NDUFA9: variants seen among roughly 807,000 people sequenced by gnomAD.
NDUFA9 encodes NADH:ubiquinone oxidoreductase subunit A9.
In NDUFA9, 23 loss-of-function variants were observed where a neutral mutation model predicts 45.9. That is an observed-to-expected ratio of 0.50 (90% CI 0.36 to 0.71). The LOEUF is 0.71. Among genes scored for constraint, NDUFA9 ranks in the 30% least tolerant of loss-of-function variants. The pLI, the probability that NDUFA9 is intolerant of heterozygous loss-of-function variation, is 0.00. For synonymous variants in NDUFA9, 176 were observed against 170.5 expected, an observed-to-expected ratio of 1.03 and a Z score of -0.25; for missense variants, 466 against 488.2, an observed-to-expected ratio of 0.95 and a Z score of 0.43.
At chr12:4,677,436 A>G (rs1038380100) in intron 8 of NDUFA9, among the ~76,000 whole-genome samples, 3 of 152,256 alleles carry the variant, frequency 2.0e-5, no homozygotes, top group African/African-American at 7.2e-5. Context: ...ATCTACAAAG[A>G]ACTTAAACAG....
chr12:4,654,467 G>GTC lies in NDUFA9; in HGVS notation c.220+6_220+7insCT, dbSNP rs1214915902. On this transcript the variant is annotated splice_donor_region_variant and intron_variant, in intron 2 of 10. Coordinates refer to ENST00000266544, the MANE Select transcript of NDUFA9 (RefSeq NM_005002.5). ...GATATGTTGTCAACCACCTTGGTAAGTAAAGTTCCTTAAGTTCATATGCTC... is the reference window on the plus strand; with the variant it reads ...GATATGTTGTCAACCACCTTGGTAAGTCTAAAGTTCCTTAAGTTCATATGCTC... The GTC allele has an allele frequency of 6.2e-7, 1 of 1,613,840 alleles. No individual in the cohort carries two copies.
At chr12:4,653,116 C>CT (rs1461776766) in intron 1 of NDUFA9, among the ~76,000 whole-genome samples, 1 of 152,250 alleles carries the variant, frequency 6.6e-6, no homozygotes, top group African/African-American at 2.4e-5. Flanking sequence ...AGTTGAGCAG[C>CT]TAACTCTAAA....
In NDUFA9 at chr12:4,689,372, A is replaced by G. The variant is rs1489950274; in HGVS notation, c.*2264A>G. On this transcript the variant is annotated 3_prime_UTR_variant, in exon 11 of 11. Transcript: ENST00000266544. The stretch of plus-strand genomic sequence containing the variant: ...GAGGGGGATTTGGCAGGGTCATAGG[A>G]CAATAGTGGAGGGAAGGTCAGCAGA... 1 of 152,094 alleles carries G rather than the reference A, an allele frequency of 6.6e-6. No homozygotes were observed. Among genetic ancestry groups the G allele is most frequent in the East Asian group, 1.9e-4 (1 of 5,208 alleles). 9.4% of individuals were successfully genotyped at this position (152,094 alleles called of 1,614,324 possible).
chr12:4,654,778 C>T (rs1285463262), intron 2 of NDUFA9, 47 bp from the exon 3 acceptor site: 2 of 1,347,592 alleles, frequency 1.5e-6, no homozygotes, highest in South Asian at 2.6e-5. Flanking sequence ...TATAATATAT[C>T]CACATTATGT....
chr12:4,651,376 A>C lies in NDUFA9; in HGVS notation c.49+2201A>C, dbSNP rs543300867. Reference sequence around the variant, plus strand: ...TATTTATTGAGCACCTAGTATTTGCAAGGCACTGTGACAGATGCTTGCCCA... The same window carrying C: ...TATTTATTGAGCACCTAGTATTTGCCAGGCACTGTGACAGATGCTTGCCCA... On this transcript the variant is annotated intron_variant, in intron 1 of 10. Coordinates refer to ENST00000266544, the MANE Select transcript of NDUFA9 (RefSeq NM_005002.5). 1.1e-4 allele frequency among the ~76,000 whole-genome samples: 17 copies of C among 152,320 alleles called. No individual in the cohort carries two copies. In the South Asian group the frequency reaches 3.5e-3, roughly 32 times the overall value.
At chr12:4,658,466 C>T (rs1328777288) in intron 4 of NDUFA9, among the ~76,000 whole-genome samples, 1 of 152,098 alleles carries the variant, frequency 6.6e-6, no homozygotes, top group African/African-American at 2.4e-5. Context: ...ACAGAGTAAA[C>T]ATTTAGTTAA....
Position 4,662,025 on chromosome 12 carries a change from G to A in NDUFA9, c.553-508G>A, listed in dbSNP as rs537913032. ...TGAATTAGGTGCTGATATCTTCATCGAACAAGAAGACTTGCCTAGGAGGCT... is the reference window on the plus strand; with the variant it reads ...TGAATTAGGTGCTGATATCTTCATCAAACAAGAAGACTTGCCTAGGAGGCT... On this transcript the variant is annotated intron_variant, in intron 5 of 10. Transcript: ENST00000266544. Among the ~76,000 whole-genome samples the A allele has an allele frequency of 6.6e-5, 10 of 152,270 alleles. No homozygotes were observed. The East Asian group carries it at 1.2e-3, about 18-fold the overall frequency.
intron 9 of NDUFA9, among the ~76,000 whole-genome samples, chr12:4,684,807 G>A (rs1272242800): frequency 1.1e-5 from 1 of 94,800 alleles, no homozygotes; most frequent in African/African-American, 3.6e-5. Flanking sequence ...CTTGCTTTTG[G>A]ATTTTTTTTT....
intron 9 of NDUFA9, among the ~76,000 whole-genome samples, chr12:4,683,456 T>C (rs1945966123): frequency 6.6e-6 from 1 of 152,152 alleles, no homozygotes; most frequent in Admixed American, 6.5e-5. Flanking sequence ...CTCAGAAGGT[T>C]ACAACAAACA....
In NDUFA9 at chr12:4,691,812, A is replaced by T; in HGVS notation, c.*4704A>T. On this transcript the variant is annotated 3_prime_UTR_variant, in exon 11 of 11. Coordinates refer to ENST00000266544, the MANE Select transcript of NDUFA9 (RefSeq NM_005002.5). The stretch of plus-strand genomic sequence containing the variant: ...CCATGTGGATCCTGTGAGGGCCAGG[A>T]TGGGGGGGGGGGTCATGGGTCATCT... 1.7e-5 allele frequency: 1 copy of T among 58,616 alleles called. No individual in the cohort carries two copies. Among genetic ancestry groups the T allele is most frequent in the South Asian group, 4.9e-4 (1 of 2,030 alleles). 3.6% of individuals were successfully genotyped at this position (58,616 alleles called of 1,614,324 possible). A position where few individuals can be genotyped will look rare whatever the true frequency, so the allele number is the denominator to read the frequency against.
rs1946011485 is a variant in NDUFA9, at chr12:4,690,170, G to A, written c.*3062G>A. ...AAGCCACACCTTTCTAGGGATTCAGGTTGCACATTACCTGATTCTCACAGT... is the reference window on the plus strand; with the variant it reads ...AAGCCACACCTTTCTAGGGATTCAGATTGCACATTACCTGATTCTCACAGT... On this transcript the variant is annotated 3_prime_UTR_variant, in exon 11 of 11. Coordinates refer to ENST00000266544, the MANE Select transcript of NDUFA9 (RefSeq NM_005002.5). 6.6e-6 allele frequency: 1 copy of A among 152,166 alleles called. No individual in the cohort carries two copies. Among genetic ancestry groups the A allele is most frequent in the Non-Finnish European group, 1.5e-5 (1 of 68,058 alleles). The allele number at this position is 152,166 out of a possible 1,614,324, so 9.4% of individuals were successfully genotyped here.
intron 6 of NDUFA9, among the ~76,000 whole-genome samples, chr12:4,665,733 T>C (rs1391042299): frequency 7.2e-6 from 1 of 139,184 alleles, no homozygotes; most frequent in Non-Finnish European, 1.5e-5. Flanking sequence ...TTTGTCAATA[T>C]TTGTTATTTT....
At position 4,671,872 on chromosome 12, in the gene NDUFA9, C is replaced by T. The variant is rs1018851831; in HGVS notation, c.800+2055C>T. On this transcript the variant is annotated intron_variant, in intron 8 of 10. Transcript: ENST00000266544. Reference sequence around the variant, plus strand: ...ATTAAAAAAAAGATGAACTTCGACTCCTACCTTGCTCTGTACATGAAAAAA... The same window carrying T: ...ATTAAAAAAAAGATGAACTTCGACTTCTACCTTGCTCTGTACATGAAAAAA... Among the ~76,000 whole-genome samples, 5 of 152,148 alleles carry T rather than the reference C, an allele frequency of 3.3e-5. No homozygotes were observed. The East Asian group carries it at 9.6e-4, about 29-fold the overall frequency.
At chr12:4,669,137 T>C (rs148075246) in intron 7 of NDUFA9, among the ~76,000 whole-genome samples, 1 of 152,300 alleles carries the variant, frequency 6.6e-6, no homozygotes, top group East Asian at 1.9e-4. Flanking sequence ...AATTCTTCGT[T>C]ATGGGGGTTG....
chr12:4,672,080 G>A (rs751277831), intron 8 of NDUFA9, among the ~76,000 whole-genome samples: 1 of 152,168 alleles, frequency 6.6e-6, no homozygotes, highest in Non-Finnish European at 1.5e-5. Flanking sequence ...GGTGGGTGCA[G>A]CCCAAGGAGG....
At chr12:4,652,582 GAAAC>G (rs1945766142) in intron 1 of NDUFA9, among the ~76,000 whole-genome samples, 2 of 152,170 alleles carry the variant, frequency 1.3e-5, no homozygotes, top group East Asian at 3.9e-4. Context: ...TTCTCTCCTT[GAAAC>G]AGTTTCTTAT....
intron 7 of NDUFA9, 124 bp from the exon 8 acceptor site, chr12:4,669,616 GC>G (rs1158921334): frequency 1.6e-6 from 1 of 628,040 alleles, no homozygotes; most frequent in Non-Finnish European, 2.8e-6. Context: ...GATCAGTGTG[GC>G]CTTCCTCCTT....
At chr12:4,683,595 G>C (rs865849387) in intron 9 of NDUFA9, among the ~76,000 whole-genome samples, 9 of 152,206 alleles carry the variant, frequency 5.9e-5, no homozygotes, top group Middle Eastern at 3.2e-3. Context: ...ACACCTTTCA[G>C]ACTATTCACT....
chr12:4,657,313 C>G (rs1267798702), intron 3 of NDUFA9: 3 of 155,530 alleles, frequency 1.9e-5, no homozygotes, highest in African/African-American at 7.2e-5. Context: ...TTAAAAGACA[C>G]TCTTCCTATC....
Sources: allele counts gnomAD v4.1 joint callset (sites outside exome capture counted in the v4.1 genomes callset), GRCh38; gene constraint gnomAD v4.1.1; transcripts MANE v1.5; gene names NCBI Gene and HGNC (gene_info 2026-07-23, HGNC 2026-07-21).